Variants in CREB5 observed in about 807,000 individuals in gnomAD.
CREB5 encodes cyclic AMP-responsive element-binding protein 5.
Under a neutral mutation model 57.1 loss-of-function variants are expected in CREB5, and 19 were observed. That is an observed-to-expected ratio of 0.33 (90% CI 0.23 to 0.49). CREB5 has a LOEUF of 0.49. CREB5 is among the 20% of genes least tolerant of loss of function. CREB5 has a pLI of 0.99. For synonymous variants in CREB5, 238 were observed against 238.3 expected (o/e 1.00, Z 0.01); for missense variants, 579 against 671.6 (o/e 0.86, Z 1.52).
intron 4 of CREB5, among the ~76,000 whole-genome samples, chr7:28,542,999 T>C (rs1455518054): frequency 6.6e-6 from 1 of 152,156 alleles, no homozygotes; most frequent in African/African-American, 2.4e-5. Context: ...TCATCATAAT[T>C]GCCCTGATCA....
At chr7:28,450,271 T>C (rs959377052) in intron 1 of CREB5, among the ~76,000 whole-genome samples, 14 of 152,218 alleles carry the variant, frequency 9.2e-5, no homozygotes, top group African/African-American at 3.1e-4. Flanking sequence ...AGGGTACTTA[T>C]AATATGCCTA....
intron 3 of CREB5, among the ~76,000 whole-genome samples, chr7:28,503,469 T>C (rs1450221037): frequency 2.0e-5 from 3 of 152,182 alleles, no homozygotes; most frequent in Non-Finnish European, 4.4e-5. Context: ...CCATCATCAG[T>C]GGGAATTGAG....
At chr7:28,319,410 TTTA>T (rs1785447287) in intron 1 of CREB5, among the ~76,000 whole-genome samples, 1 of 152,206 alleles carries the variant, frequency 6.6e-6, no homozygotes, top group African/African-American at 2.4e-5. Context: ...GCAGGGTAGC[TTTA>T]TGGTAAAAGA....
chr7:28,673,100 T>C (rs1247772132), intron 5 of CREB5, among the ~76,000 whole-genome samples: 1 of 152,106 alleles, frequency 6.6e-6, no homozygotes, highest in African/African-American at 2.4e-5. Flanking sequence ...TTGAGCAAAA[T>C]TTGGATTTAC....
chr7:28,482,500 G>C (rs770683893), intron 1 of CREB5, among the ~76,000 whole-genome samples: 1 of 152,200 alleles, frequency 6.6e-6, no homozygotes, highest in Non-Finnish European at 1.5e-5. Context: ...GTGTCATACA[G>C]TGTGACTGAC....
chr7:28,333,760 T>C (rs979416594), intron 1 of CREB5, among the ~76,000 whole-genome samples: 8 of 152,228 alleles, frequency 5.3e-5, no homozygotes, highest in Non-Finnish European at 1.0e-4. Flanking sequence ...TACTCCATTG[T>C]GTATATGTAC....
rs539409569 is a variant in CREB5 at position 28,735,081 on chromosome 7, T to C, written c.702+10749T>C. 1.2e-4 allele frequency among the ~76,000 whole-genome samples: 18 copies of C among 152,320 alleles called. No homozygotes were observed. The East Asian group carries it at 3.3e-3, about 28-fold the overall frequency. ...CTTTCATTCTCTAAGACTAAATGCA[T>C]GATTTAAAATACACTTAATCGTTTT... On this transcript the variant is annotated intron_variant, in intron 7 of 10. Transcript: ENST00000357727.
intron 5 of CREB5, among the ~76,000 whole-genome samples, chr7:28,634,729 C>T (rs1230855665): frequency 6.6e-6 from 1 of 152,140 alleles, no homozygotes; most frequent in East Asian, 1.9e-4. Flanking sequence ...TCAAGTTCTG[C>T]CTTCTTCCCT....
At position 28,804,308 on chromosome 7, in the gene CREB5, A is replaced by C; in HGVS notation, c.812A>C (p.His271Pro). Reference protein sequence around the residue: ...MMGSRQDQTPHHHMHSHPHQH... With the variant: ...MMGSRQDQTPPHHMHSHPHQH... ...GGCTCCCGGCAGGACCAGACGCCAC[A>C]CCATCACATGCACTCGCACCCGCAT... The change falls in exon 8 of 11, where the codon CAC becomes CCC. Residue 271 changes from histidine to proline, a missense_variant. By Grantham distance (77) the His-to-Pro change is moderately conservative. Coordinates refer to ENST00000357727, the MANE Select transcript of CREB5 (RefSeq NM_182898.4). 3 of 1,613,944 alleles carry C rather than the reference A, an allele frequency of 1.9e-6. No homozygotes were observed. The highest frequency in any genetic ancestry group is 2.5e-6 in the Non-Finnish European group (3 of 1,179,936).
intron 2 of CREB5, 101 bp downstream of exon 2, chr7:28,488,347 T>C: frequency 1.0e-6 from 1 of 980,974 alleles, no homozygotes; most frequent in Admixed American, 2.1e-5. Flanking sequence ...CTTTCCTTCT[T>C]TACCAAGACA....
At chr7:28,660,339 A>C (rs999126288) in intron 5 of CREB5, among the ~76,000 whole-genome samples, 4 of 151,184 alleles carry the variant, frequency 2.6e-5, no homozygotes, top group African/African-American at 7.3e-5. Flanking sequence ...TTTTGAACCT[A>C]GCTTTCTATA....
chr7:28,438,809 T>A (rs1789069138), intron 1 of CREB5, among the ~76,000 whole-genome samples: 1 of 152,232 alleles, frequency 6.6e-6, no homozygotes, highest in African/African-American at 2.4e-5. Flanking sequence ...GCTTCTAACA[T>A]TCTGTGATTT....
chr7:28,730,366 T>TG (rs1803551051), intron 7 of CREB5, among the ~76,000 whole-genome samples: 2 of 151,712 alleles, frequency 1.3e-5, no homozygotes, highest in Non-Finnish European at 1.5e-5. Context: ...TTTTTTTTTT[T>TG]TGAGACAGAG....
chr7:28,707,531 G>C (rs73075739), intron 5 of CREB5, among the ~76,000 whole-genome samples: 1 of 152,134 alleles, frequency 6.6e-6, no homozygotes, highest in Non-Finnish European at 1.5e-5. Context: ...GGGAGTCAGC[G>C]TTATCTCTAT....
intron 1 of CREB5, among the ~76,000 whole-genome samples, chr7:28,443,666 G>C (rs1789297793): frequency 6.6e-6 from 1 of 152,110 alleles, no homozygotes; most frequent in South Asian, 2.1e-4. Flanking sequence ...AATTGGAGGA[G>C]GGGGAGTCAA....
At chr7:28,784,826 T>C (rs1050134732) in intron 7 of CREB5, among the ~76,000 whole-genome samples, 1 of 152,188 alleles carries the variant, frequency 6.6e-6, no homozygotes, top group Non-Finnish European at 1.5e-5. Flanking sequence ...CTTTCTGGAA[T>C]GAGTGCAAAG....
rs144839210 is a variant in CREB5, at chr7:28,477,170, T to A, written c.4-11005T>A. Among the ~76,000 whole-genome samples, 190 of 152,326 alleles carry A rather than the reference T, an allele frequency of 1.2e-3. 1 individual carries two copies. The highest frequency in any genetic ancestry group is 4.4e-3 in the African/African-American group (182 of 41,568). On this transcript the variant is annotated intron_variant, in intron 1 of 10. Coordinates refer to ENST00000357727, the MANE Select transcript of CREB5 (RefSeq NM_182898.4). Reference sequence around the variant, plus strand: ...TGAACAAGTTCACTGTGATGGGTAATCAATCACTGTCCACAGGCCACTTTC... The same window carrying A: ...TGAACAAGTTCACTGTGATGGGTAAACAATCACTGTCCACAGGCCACTTTC...
At chr7:28,622,256 C>A (rs1245494450) in intron 5 of CREB5, among the ~76,000 whole-genome samples, 1 of 137,554 alleles carries the variant, frequency 7.3e-6, no homozygotes, top group African/African-American at 3.0e-5. Flanking sequence ...CTCTCTCTCT[C>A]TCTCACACAC....
intron 1 of CREB5, among the ~76,000 whole-genome samples, chr7:28,384,495 C>T (rs1237818074): frequency 6.6e-6 from 1 of 151,960 alleles, no homozygotes; most frequent in Non-Finnish European, 1.5e-5. Context: ...CCTCAGATAA[C>T]CTGGCACAAA....
Sources: gnomAD v4.1 joint callset for allele counts (sites outside exome capture counted in the v4.1 genomes callset) on GRCh38, gnomAD v4.1.1 for gene constraint, MANE v1.5 for transcripts, NCBI Gene and HGNC (gene_info 2026-07-23, HGNC 2026-07-21) for gene names.